SACM1L: variants seen among roughly 807,000 people sequenced by gnomAD.
SACM1L encodes phosphatidylinositol-3-phosphatase SAC1.
SACM1L carries 32 observed loss-of-function variants against 89.5 expected under a neutral mutation model. The observed-to-expected ratio is 0.36, with a 90% CI of 0.27 to 0.48. The LOEUF (loss-of-function observed/expected upper bound fraction) is 0.48, where lower values mean the gene tolerates loss of function less well. SACM1L is among the 20% of genes least tolerant of loss of function. The pLI, the probability that SACM1L is intolerant of heterozygous loss-of-function variation, is 0.99. For synonymous variants in SACM1L, 213 were observed against 232.8 expected (o/e 0.92, Z 0.77); for missense variants, 543 against 708.5 (o/e 0.77, Z 2.65).
chr3:45,724,262 G>C (rs540343772), intron 11 of SACM1L, among the ~76,000 whole-genome samples: 1 of 150,540 alleles, frequency 6.6e-6, no homozygotes, highest in East Asian at 2.0e-4. Context: ...CAGAGTTCCA[G>C]TTTCTTCATA....
rs151163757 is a variant in SACM1L at position 45,704,368 on chromosome 3, G to A, written c.131-767G>A. 4.6e-3 allele frequency among the ~76,000 whole-genome samples: 702 copies of A among 152,202 alleles called. 5 individuals are homozygous for A. The highest frequency in any genetic ancestry group is 0.016 in the African/African-American group (664 of 41,524). ...AGATAATGGGGTGTAAGACAAGTAT[G>A]GCTATAAAATTTCTGTTTTTTTGAT... is the stretch of plus-strand genomic sequence containing the variant. On this transcript the variant is annotated intron_variant, in intron 2 of 19. Transcript: ENST00000389061.
intron 14 of SACM1L, among the ~76,000 whole-genome samples, chr3:45,736,095 C>G (rs1356146841): frequency 3.9e-5 from 6 of 152,150 alleles, no homozygotes; most frequent in Admixed American, 3.9e-4. Flanking sequence ...GTCTCAAACC[C>G]CTGGGCTCAA....
intron 5 of SACM1L, among the ~76,000 whole-genome samples, chr3:45,710,685 G>T (rs778875512): frequency 2.0e-4 from 31 of 151,972 alleles, no homozygotes; most frequent in Non-Finnish European, 4.4e-5. Context: ...TACTTATTAG[G>T]TTGGACAATG....
At chr3:45,709,461 T>C in intron 4 of SACM1L, 37 bp from the exon 5 acceptor site, 1 of 1,539,284 alleles carries the variant, frequency 6.5e-7, no homozygotes, top group East Asian at 2.3e-5. Flanking sequence ...AGATTCCTTT[T>C]CAATTATGAG....
chr3:45,738,183 G>GTAATGAGGACAT (rs1336660787), intron 16 of SACM1L, among the ~76,000 whole-genome samples: 41 of 152,350 alleles, frequency 2.7e-4, no homozygotes, highest in African/African-American at 8.9e-4. Context: ...ACTGCACTGA[G>GTAATGAGGACAT]TAATGAGGAC....
At chr3:45,712,501 G>A (rs144248526) in intron 5 of SACM1L, among the ~76,000 whole-genome samples, 11 of 152,294 alleles carry the variant, frequency 7.2e-5, no homozygotes, top group Middle Eastern at 3.4e-3. Context: ...CTCTCAAAGT[G>A]CTGGGATTAT....
At chr3:45,701,998 T>G (rs1437022243) in intron 1 of SACM1L, among the ~76,000 whole-genome samples, 4 of 152,340 alleles carry the variant, frequency 2.6e-5, no homozygotes, top group Admixed American at 1.3e-4. Context: ...GGAATGCTAT[T>G]CAGTAATAAA....
Position 45,719,595 on chromosome 3 carries a change from G to A in SACM1L, c.673G>A (p.Val225Ile). Residue 225 changes from valine (V) to isoleucine (I), a missense_variant, in exon 8 of 20, where the codon GTA (valine) becomes ATA (isoleucine). Physicochemically the swap from Val to Ile is conservative, Grantham distance 29. Around this residue, in one of 2 missense-constraint regions of SACM1L, gnomAD observed 370 missense variants for 527.6 expected, o/e 0.70. Transcript: ENST00000389061. ...SCFRAGVRYY[V>I]RGIDSEGHAA... ...TTTCAGAGCTGGTGTGCGCTATTAT[G>A]TAAGAGGTGAGAATTTTGTCAGCAT... The A allele has an allele frequency of 6.2e-7, 1 of 1,602,478 alleles. No homozygotes were observed. Among genetic ancestry groups the A allele is most frequent in the Non-Finnish European group, 8.5e-7 (1 of 1,173,092 alleles).
intron 19 of SACM1L, among the ~76,000 whole-genome samples, chr3:45,742,070 T>G (rs1373746555): frequency 6.6e-6 from 1 of 152,168 alleles, no homozygotes; most frequent in Admixed American, 6.5e-5. Context: ...TATACCCACA[T>G]TTACTTAAAG....
At chr3:45,734,566 C>CTGA (rs1699156166) in intron 13 of SACM1L, 1 of 152,084 alleles carries the variant, frequency 6.6e-6, no homozygotes, top group Non-Finnish European at 1.5e-5. Context: ...AAGTGATCCT[C>CTGA]CCACTTTAGC....
At chr3:45,704,772 C>G (rs1014330952) in intron 2 of SACM1L, among the ~76,000 whole-genome samples, 7 of 152,184 alleles carry the variant, frequency 4.6e-5, no homozygotes, top group African/African-American at 1.7e-4. Flanking sequence ...CAGTAAGACA[C>G]ATGATAAAAT....
chr3:45,704,988 G>A, intron 2 of SACM1L, 147 bp from the exon 3 acceptor site: 1 of 566,302 alleles, frequency 1.8e-6, no homozygotes. Context: ...TCTATCAATA[G>A]TGCATTTAAG....
intron 1 of SACM1L, among the ~76,000 whole-genome samples, chr3:45,697,881 T>G (rs900411447): frequency 2.6e-5 from 4 of 152,198 alleles, no homozygotes; most frequent in Non-Finnish European, 5.9e-5. Context: ...ACTTTGAACC[T>G]TAGAGATCTG....
At chr3:45,703,020 ATGC>A (rs1698310603) in intron 1 of SACM1L, among the ~76,000 whole-genome samples, 2 of 152,190 alleles carry the variant, frequency 1.3e-5, no homozygotes, top group African/African-American at 4.8e-5. Context: ...AATTCACACG[ATGC>A]TGCGTGATGA....
intron 11 of SACM1L, among the ~76,000 whole-genome samples, chr3:45,729,960 G>C (rs939263201): frequency 6.0e-5 from 9 of 150,828 alleles, no homozygotes; most frequent in Non-Finnish European, 1.2e-4. Context: ...TTATTTTTTG[G>C]CTTCTTATAA....
intron 16 of SACM1L, 76 bp downstream of exon 16, chr3:45,737,920 C>A: frequency 8.5e-7 from 1 of 1,173,416 alleles, no homozygotes; most frequent in Non-Finnish European, 1.3e-6. Flanking sequence ...ACCTGGGCAG[C>A]TTTCAGACAG....
intron 5 of SACM1L, 141 bp from the exon 6 acceptor site, chr3:45,712,996 G>C (rs1031668553): frequency 6.3e-5 from 38 of 603,472 alleles, no homozygotes; most frequent in African/African-American, 5.3e-4. Context: ...ACAGATTTGC[G>C]GGGGAGATGT....
chr3:45,698,418 G>T (rs1288312811), intron 1 of SACM1L, among the ~76,000 whole-genome samples: 1 of 152,150 alleles, frequency 6.6e-6, no homozygotes, highest in Non-Finnish European at 1.5e-5. Context: ...TATCAGAATA[G>T]CCTGATGGCA....
At chr3:45,724,271 T>C (rs562186265) in intron 11 of SACM1L, among the ~76,000 whole-genome samples, 1 of 151,128 alleles carries the variant, frequency 6.6e-6, no homozygotes, top group Non-Finnish European at 1.5e-5. Flanking sequence ...AGTTTCTTCA[T>C]ATCCTTGCTG....
Sources: gnomAD v4.1 joint callset for allele counts (sites outside exome capture counted in the v4.1 genomes callset) on GRCh38, gnomAD v4.1.1 for gene constraint, gnomAD v4.1.1 regional missense constraint, MANE v1.5 for transcripts, NCBI Gene and HGNC (gene_info 2026-07-23, HGNC 2026-07-21) for gene names.